The following NLRC4 variants were observed in gnomAD, a reference collection of about 807,000 sequenced individuals.
NLRC4 encodes the protein NLR family CARD domain containing 4.
NLRC4 carries 63 observed loss-of-function variants against 79.9 expected under a neutral mutation model. That is an observed-to-expected ratio of 0.79 (90% CI 0.64 to 0.97). The LOEUF (loss-of-function observed/expected upper bound fraction) is 0.97, where lower values mean the gene tolerates loss of function less well. NLRC4 is among the 50% of genes least tolerant of loss of function. NLRC4 has a pLI of 0.00. For missense variants in NLRC4, 1,074 were observed against 1,215.2 expected, an observed-to-expected ratio of 0.88 and a Z score of 1.73; for synonymous variants, 461 against 456.5, an observed-to-expected ratio of 1.01 and a Z score of -0.12.
At chr2:32,249,480 G>T in intron 4 of NLRC4, 127 bp downstream of exon 4, 2 of 783,152 alleles carry the variant, frequency 2.6e-6, no homozygotes, top group East Asian at 2.6e-5. Context: ...TTCTCAGCCT[G>T]TGGGATGGCC....
At position 32,238,239 on chromosome 2, in the gene NLRC4, C is replaced by T; in HGVS notation, c.2414G>A (p.Gly805Glu). The change falls in exon 6 of 9, where the codon GGA becomes GAA. Residue 805 changes from glycine to glutamate, a missense_variant. Gly to Glu is a moderately conservative substitution (Grantham distance 98, BLOSUM62 -2). Transcript: ENST00000402280. Reference sequence around the variant, plus strand: ...CTTGACTATGTAATCCATTCCCTCTCCAATGTCAGACAAGTGGGTCAAATG... The same window carrying T: ...CTTGACTATGTAATCCATTCCCTCTTCAATGTCAGACAAGTGGGTCAAATG... ...LFHLTHLSDIGEGMDYIVKSL... is the reference protein window; with the variant it reads ...LFHLTHLSDIEEGMDYIVKSL... 1.9e-6 allele frequency: 3 copies of T among 1,613,340 alleles called. No homozygotes were observed. The highest frequency in any genetic ancestry group is 1.1e-5 in the South Asian group (1 of 90,886).
At chr2:32,265,362 G>A (rs1687442085), upstream of NLRC4, among the ~76,000 whole-genome samples, 1 of 151,784 alleles carries the variant, frequency 6.6e-6, no homozygotes, top group Non-Finnish European at 1.5e-5. Context: ...TGTATTTTTA[G>A]TAGAGACAGA....
intron 1 of NLRC4, among the ~76,000 whole-genome samples, chr2:32,262,875 G>T (rs1029879691): frequency 6.6e-6 from 1 of 151,478 alleles, no homozygotes; most frequent in African/African-American, 2.4e-5. Context: ...GTGAATAACT[G>T]AATTGGGTGG....
At chr2:32,226,310 G>C (rs757248812) in intron 8 of NLRC4, among the ~76,000 whole-genome samples, 1 of 152,222 alleles carries the variant, frequency 6.6e-6, no homozygotes, top group Admixed American at 6.5e-5. Context: ...AGTTTGTTCA[G>C]TGCAACTAAG....
chr2:32,237,706 T>C lies in NLRC4; in HGVS notation c.2521+426A>G, dbSNP rs1320891366. Among the ~76,000 whole-genome samples the C allele has an allele frequency of 2.0e-5, 3 of 152,330 alleles. No individual in the cohort carries two copies. In the East Asian group the frequency reaches 5.8e-4, roughly 29 times the overall value. ...CTCAGAAGGCTCAATTATCATATCA[T>C]GCACATTAACTTCATCTTAACAGGG... On this transcript the variant is annotated intron_variant, in intron 6 of 8. Coordinates refer to ENST00000402280, the MANE Select transcript of NLRC4 (RefSeq NM_001199138.2).
At position 32,233,185 on chromosome 2, in the gene NLRC4, GAA is replaced by G. The variant is rs1468119723; in HGVS notation, c.2782+2214_2782+2215del. 1.4e-3 allele frequency among the ~76,000 whole-genome samples: 124 copies of G among 88,114 alleles called. 1 individual carries two copies. The highest frequency in any genetic ancestry group is 5.1e-3 in the Middle Eastern group (1 of 196). The allele number at this position is 88,114 out of a possible 152,430, so 57.8% of individuals were successfully genotyped here. On this transcript the variant is annotated intron_variant, in intron 8 of 8. Transcript: ENST00000402280. ...GGAAGGAAGGAAGGAAGGAAGGAAG[GAA>G]GGAAGGAAGGGAGGGAGGGAAAGGA... is the stretch of plus-strand genomic sequence containing the variant.
At chr2:32,260,938 A>T (rs498128) in intron 1 of NLRC4, among the ~76,000 whole-genome samples, 2 of 152,096 alleles carry the variant, frequency 1.3e-5, no homozygotes, top group African/African-American at 4.8e-5. Context: ...CACGCCTGTA[A>T]TCCCAGCACT....
chr2:32,253,373 C>G (rs920636288), intron 2 of NLRC4, among the ~76,000 whole-genome samples: 1 of 151,828 alleles, frequency 6.6e-6, no homozygotes, highest in Non-Finnish European at 1.5e-5. Context: ...TGGTCTCGAA[C>G]TCCTGACCTT....
In NLRC4 at chr2:32,224,589, G is replaced by A. The variant is rs949916813; in HGVS notation, c.2959C>T (p.Leu987Phe). The change falls in exon 9 of 9, where the codon CTT becomes TTT. Residue 987 changes from leucine to phenylalanine, a missense_variant. By Grantham distance (22) the Leu-to-Phe change is conservative (BLOSUM62 0). Coordinates refer to ENST00000402280, the MANE Select transcript of NLRC4 (RefSeq NM_001199138.2). ...GTTAACTTGGATAACACTTGGCTAA[G>A]TTTTCTGACTAATGCTGGATCAGGT... ...FLPDPALVRKLSQVLSKLTFL... is the reference protein window; with the variant it reads ...FLPDPALVRKFSQVLSKLTFL... The A allele has an allele frequency of 1.2e-6, 2 of 1,613,698 alleles. No individual in the cohort carries two copies. Among genetic ancestry groups the A allele is most frequent in the African/African-American group, 1.3e-5 (1 of 74,884 alleles).
intron 8 of NLRC4, among the ~76,000 whole-genome samples, chr2:32,233,320 A>AATATATATAT (rs1257781417): frequency 1.5e-3 from 103 of 67,208 alleles, no homozygotes; most frequent in African/African-American, 3.1e-3. Flanking sequence ...AGAAATTTTA[A>AATATATATAT]ATATATATAT....
chr2:32,224,583 G>C lies in NLRC4; in HGVS notation c.2965C>G (p.Gln989Glu). The change falls in exon 9 of 9, where the codon CAA becomes GAA. Residue 989 changes from glutamine to glutamate, a missense_variant. By Grantham distance (29) the Gln-to-Glu change is conservative. Coordinates refer to ENST00000402280, the MANE Select transcript of NLRC4 (RefSeq NM_001199138.2). ...PDPALVRKLS[Q>E]VLSKLTFLQE... is the part of the protein sequence containing the mutation. Reference sequence around the variant, plus strand: ...AGAAAAGTTAACTTGGATAACACTTGGCTAAGTTTTCTGACTAATGCTGGA... The same window carrying C: ...AGAAAAGTTAACTTGGATAACACTTCGCTAAGTTTTCTGACTAATGCTGGA... 6.2e-7 allele frequency: 1 copy of C among 1,613,518 alleles called. No homozygotes were observed. The highest frequency in any genetic ancestry group is 8.5e-7 in the Non-Finnish European group (1 of 1,179,542).
chr2:32,257,180 A>G (rs1265443099), intron 1 of NLRC4, among the ~76,000 whole-genome samples: 1 of 152,196 alleles, frequency 6.6e-6, no homozygotes, highest in Non-Finnish European at 1.5e-5. Context: ...TTAAATGTCA[A>G]AAGACGGTAT....
intron 8 of NLRC4, among the ~76,000 whole-genome samples, chr2:32,231,785 C>G (rs1281595347): frequency 6.6e-6 from 1 of 151,996 alleles, no homozygotes; most frequent in Non-Finnish European, 1.5e-5. Context: ...GGCTCGGACT[C>G]CTGGGCTCAA....
rs1396571980 is a variant in NLRC4, at chr2:32,224,668, T to A, written c.2880A>T (p.Val960=). 6.2e-7 allele frequency: 1 copy of A among 1,613,108 alleles called. No homozygotes were observed. The highest frequency in any genetic ancestry group is 1.3e-5 in the African/African-American group (1 of 74,910). The change falls in exon 9 of 9, where the codon GTA becomes GTT. Residue 960 remains valine, a synonymous_variant. Transcript: ENST00000402280. ...SSDGWLAFMG[V]FENLKQLVFF... ...ACACTAATTGCTTAAGATTCTCAAA[T>A]ACACCCATGAAGGCAAGCCATCCAT...
At chr2:32,245,259 C>T (rs149714936) in intron 4 of NLRC4, among the ~76,000 whole-genome samples, 1,893 of 140,140 alleles carry the variant, frequency 0.014, 47 homozygotes, top group African/African-American at 0.046. Flanking sequence ...TGCAGTAAGC[C>T]GAGATCACAC....
At chr2:32,242,782 C>G (rs975653668) in intron 4 of NLRC4, among the ~76,000 whole-genome samples, 3 of 152,188 alleles carry the variant, frequency 2.0e-5, no homozygotes, top group African/African-American at 7.2e-5. Flanking sequence ...CACAGTGGCT[C>G]ACTCCTATAA....
chr2:32,233,463 A>T (rs1213887040), intron 8 of NLRC4, among the ~76,000 whole-genome samples: 1 of 149,118 alleles, frequency 6.7e-6, no homozygotes, highest in Admixed American at 6.7e-5. Flanking sequence ...AAGTGCTGGG[A>T]TTATAGTCAT....
intron 4 of NLRC4, among the ~76,000 whole-genome samples, chr2:32,248,058 G>C (rs900001326): frequency 6.6e-5 from 10 of 152,118 alleles, no homozygotes; most frequent in African/African-American, 2.4e-4. Flanking sequence ...ATCTGATAAT[G>C]GTGGTTACAC....
rs781477437 is a variant in NLRC4, at chr2:32,249,938, G to A, written c.1926C>T (p.Thr642=). ...GGIHMEEAPE[T]YIPSRAVSLF... ...AAGATACAGCCCTGCTGGGAATGTAGGTTTCTGGGGCCTCTTCCATGTGGA... is the reference window on the plus strand; with the variant it reads ...AAGATACAGCCCTGCTGGGAATGTAAGTTTCTGGGGCCTCTTCCATGTGGA... The change falls in exon 4 of 9, where the codon ACC becomes ACT. Residue 642 remains threonine (T), a synonymous_variant. Transcript: ENST00000402280. 2 of 1,614,202 alleles carry A rather than the reference G, an allele frequency of 1.2e-6. No homozygotes were observed. Among genetic ancestry groups the A allele is most frequent in the Non-Finnish European group, 1.7e-6 (2 of 1,180,036 alleles).
Sources: gnomAD v4.1 joint callset for allele counts (sites outside exome capture counted in the v4.1 genomes callset) on GRCh38, gnomAD v4.1.1 for gene constraint, MANE v1.5 for transcripts, NCBI Gene and HGNC (gene_info 2026-07-23, HGNC 2026-07-21) for gene names.